The following ANOS1 variants were observed in gnomAD, a reference collection of about 807,000 sequenced individuals.
ANOS1 encodes the protein anosmin-1.
In ANOS1, 6 loss-of-function variants were observed where a neutral mutation model predicts 59.0. That is an observed-to-expected ratio of 0.10 (90% CI 0.06 to 0.20). ANOS1 has a LOEUF of 0.20. ANOS1 is among the 10% of genes least tolerant of loss of function. The probability of loss-of-function intolerance (pLI) is 1.00; values close to 1 mark genes in which losing one functional copy is unlikely to be tolerated. For synonymous variants in ANOS1, 217 were observed against 223.4 expected, an observed-to-expected ratio of 0.97 and a Z score of 0.25; for missense variants, 433 against 542.3, an observed-to-expected ratio of 0.80 and a Z score of 2.00.
intron 1 of ANOS1, among the ~76,000 whole-genome samples, chrX:8,725,437 G>C (rs1189605633): frequency 9.3e-6 from 1 of 108,106 alleles, no homozygotes; most frequent in African/African-American, 3.3e-5. Context: ...ATTTTTAAAA[G>C]TGGGAACACT....
chrX:8,554,608 G>A (rs1012270048), intron 8 of ANOS1, among the ~76,000 whole-genome samples: 4 of 89,188 alleles, frequency 4.5e-5, no homozygotes, highest in African/African-American at 8.6e-5. Context: ...TCGCTCTGTC[G>A]CCCAACAAAG....
intron 2 of ANOS1, among the ~76,000 whole-genome samples, chrX:8,691,156 C>T (rs767315771): frequency 9.2e-6 from 1 of 108,602 alleles, no homozygotes; most frequent in Admixed American, 9.9e-5. Flanking sequence ...TCACTGTAAC[C>T]TCCACCTCCT....
intron 3 of ANOS1, among the ~76,000 whole-genome samples, chrX:8,607,797 G>A (rs979367122): frequency 3.1e-5 from 3 of 95,684 alleles, no homozygotes; most frequent in Non-Finnish European, 4.1e-5. Context: ...ATGGTGAACA[G>A]GTGAAATTGT....
chrX:8,564,521 G>A (rs1202584155), intron 8 of ANOS1, among the ~76,000 whole-genome samples: 1 of 111,629 alleles, frequency 9.0e-6, no homozygotes, highest in Non-Finnish European at 1.9e-5. Flanking sequence ...TTTTGTTGCC[G>A]TGTTTATATG....
At chrX:8,632,493 T>A (rs900735328) in intron 2 of ANOS1, among the ~76,000 whole-genome samples, 2 of 111,386 alleles carry the variant, frequency 1.8e-5, no homozygotes, top group African/African-American at 6.5e-5. Context: ...GAAAAGAAAT[T>A]CAAATTTCTC....
chrX:8,616,613 C>A (rs947156926), intron 3 of ANOS1, among the ~76,000 whole-genome samples: 2 of 111,294 alleles, frequency 1.8e-5, no homozygotes, highest in African/African-American at 6.5e-5. Flanking sequence ...CCCCACCCCA[C>A]CCCCAAAACT....
chrX:8,636,500 C>T (rs1197804129), intron 2 of ANOS1, among the ~76,000 whole-genome samples: 1 of 112,036 alleles, frequency 8.9e-6, no homozygotes, highest in Non-Finnish European at 1.9e-5. Context: ...CCAATAAATG[C>T]ATCTCTTTGT....
At chrX:8,623,753 G>T in intron 2 of ANOS1, 83 bp from the exon 3 acceptor site, 1 of 757,167 alleles carries the variant, frequency 1.3e-6, no homozygotes. Context: ...TGTGATTGTT[G>T]CTTTTTCAAT....
chrX:8,678,822 A>C (rs935916046), intron 2 of ANOS1, among the ~76,000 whole-genome samples: 1 of 112,085 alleles, frequency 8.9e-6, no homozygotes, highest in African/African-American at 3.2e-5. Flanking sequence ...TCTGCCTTTT[A>C]AGGAGTTCAC....
rs746023974 is a variant in ANOS1, at chrX:8,646,922, G to A, written c.256-23252C>T. On this transcript the variant is annotated intron_variant, in intron 2 of 13. Coordinates refer to ENST00000262648, the MANE Select transcript of ANOS1 (RefSeq NM_000216.4). ...CACTCCACCCTGGGCTACAGAGTGC[G>A]AACCTGTCTCAAAAAAAAAAAAAAA... Among the ~76,000 whole-genome samples the A allele has an allele frequency of 9.5e-3, 837 of 88,396 alleles. 17 individuals are homozygous for A. The highest frequency in any genetic ancestry group is 0.037 in the African/African-American group (796 of 21,467). 76.8% of individuals were successfully genotyped at this position (88,396 alleles called of 115,157 possible).
chrX:8,716,909 T>C (rs994168093), intron 1 of ANOS1, among the ~76,000 whole-genome samples: 1 of 111,618 alleles, frequency 9.0e-6, no homozygotes, highest in Non-Finnish European at 1.9e-5. Flanking sequence ...ACAGATGGAA[T>C]AGATATGGAT....
At position 8,682,817 on chromosome X, in the gene ANOS1, C is replaced by CA. The variant is rs1475574417; in HGVS notation, c.255+16880dup. On this transcript the variant is annotated intron_variant, in intron 2 of 13. Coordinates refer to ENST00000262648, the MANE Select transcript of ANOS1 (RefSeq NM_000216.4). The stretch of plus-strand genomic sequence containing the variant: ...TGAACCCTGAGAAAATACACACACA[C>CA]AAAAAAAAGCAGAGTCATCTGGAAA... Among the ~76,000 whole-genome samples, 11 of 110,395 alleles carry CA rather than the reference C, an allele frequency of 1.0e-4. No individual in the cohort carries two copies. In the Admixed American group the frequency reaches 1.1e-3, roughly 11 times the overall value.
intron 3 of ANOS1, among the ~76,000 whole-genome samples, chrX:8,602,386 T>C (rs937321308): frequency 4.5e-5 from 5 of 111,948 alleles, no homozygotes; most frequent in Non-Finnish European, 7.5e-5. Flanking sequence ...TAGGAAATCC[T>C]GTGAACAAAG....
At chrX:8,698,635 A>G (rs1932718189) in intron 2 of ANOS1, among the ~76,000 whole-genome samples, 1 of 111,873 alleles carries the variant, frequency 8.9e-6, no homozygotes, top group South Asian at 3.7e-4. Context: ...GAGTAAGTGG[A>G]CCGTAACCAG....
At chrX:8,615,989 T>C (rs1299019238) in intron 3 of ANOS1, among the ~76,000 whole-genome samples, 1 of 110,980 alleles carries the variant, frequency 9.0e-6, no homozygotes, top group African/African-American at 3.3e-5. Flanking sequence ...AACAATTAAA[T>C]GTTTGATTAC....
intron 1 of ANOS1, among the ~76,000 whole-genome samples, chrX:8,725,639 GATATATATACAGAT>G (rs1932909912): frequency 2.7e-5 from 1 of 37,435 alleles, no homozygotes; most frequent in African/African-American, 1.3e-4. Flanking sequence ...TATATATACA[GATATATATACAGAT>G]ATATATATAT....
At chrX:8,667,903 G>C (rs1365516826) in intron 2 of ANOS1, among the ~76,000 whole-genome samples, 1 of 111,482 alleles carries the variant, frequency 9.0e-6, no homozygotes, top group Non-Finnish European at 1.9e-5. Flanking sequence ...TTAGAATCTT[G>C]TCACTCTTGC....
chrX:8,698,550 A>G (rs996084669), intron 2 of ANOS1, among the ~76,000 whole-genome samples: 2 of 112,328 alleles, frequency 1.8e-5, no homozygotes, highest in African/African-American at 6.5e-5. Flanking sequence ...CTAAAATTCC[A>G]GTTGAAGACC....
intron 2 of ANOS1, among the ~76,000 whole-genome samples, chrX:8,687,304 C>T (rs984247789): frequency 2.7e-5 from 3 of 110,844 alleles, no homozygotes; most frequent in Admixed American, 1.9e-4. Flanking sequence ...TATTCTACTA[C>T]TTGGAAAGTT....
Sources: allele counts gnomAD v4.1 joint callset (sites outside exome capture counted in the v4.1 genomes callset), GRCh38; gene constraint gnomAD v4.1.1; transcripts MANE v1.5; gene names NCBI Gene and HGNC (gene_info 2026-07-23, HGNC 2026-07-21).